The following ADGRL3 variants were observed in gnomAD, a reference collection of about 807,000 sequenced individuals.
The protein encoded by ADGRL3 is adhesion G protein-coupled receptor L3, also known as calcium-independent alpha-latrotoxin receptor 3.
In ADGRL3, 62 loss-of-function variants were observed where a neutral mutation model predicts 153.5. That is an observed-to-expected ratio of 0.40 (90% CI 0.33 to 0.50). The LOEUF is 0.50. Among genes scored for constraint, ADGRL3 ranks in the 20% least tolerant of loss-of-function variants. The pLI is 0.47. For synonymous variants in ADGRL3, 710 were observed against 672.5 expected (o/e 1.06, Z -0.86); for missense variants, 1,641 against 1,859.4 (o/e 0.88, Z 2.16).
At chr4:61,304,738 A>G (rs1216886717) in intron 1 of ADGRL3, among the ~76,000 whole-genome samples, 2 of 152,078 alleles carry the variant, frequency 1.3e-5, no homozygotes, top group Admixed American at 1.3e-4. Flanking sequence ...AAGGGTTTTG[A>G]TTGGTAAAAC....
intron 23 of ADGRL3, among the ~76,000 whole-genome samples, chr4:62,033,750 G>A (rs554582638): frequency 1.6e-4 from 25 of 151,758 alleles, no homozygotes; most frequent in African/African-American, 4.6e-4. Context: ...TTTGCCTGTC[G>A]TCTTTATTTT....
intron 9 of ADGRL3, among the ~76,000 whole-genome samples, chr4:61,880,901 C>T (rs1319573696): frequency 6.6e-6 from 1 of 152,122 alleles, no homozygotes; most frequent in Non-Finnish European, 1.5e-5. Context: ...TAGATAGTCA[C>T]ATTGAAGAGT....
intron 8 of ADGRL3, among the ~76,000 whole-genome samples, chr4:61,747,418 A>C (rs1048349974): frequency 2.0e-5 from 3 of 152,000 alleles, no homozygotes; most frequent in African/African-American, 7.3e-5. Flanking sequence ...AGAGAATTTT[A>C]GACCAATATC....
At chr4:61,888,508 G>T (rs573204437) in intron 9 of ADGRL3, among the ~76,000 whole-genome samples, 4 of 152,116 alleles carry the variant, frequency 2.6e-5, no homozygotes, top group Admixed American at 6.5e-5. Flanking sequence ...TTTCTTGGGC[G>T]CTGGTGACAG....
intron 2 of ADGRL3, among the ~76,000 whole-genome samples, chr4:61,473,703 G>T (rs982130306): frequency 6.6e-6 from 1 of 151,832 alleles, no homozygotes; most frequent in African/African-American, 2.4e-5. Context: ...GTTTTATCTA[G>T]AAAAAAATAT....
intron 6 of ADGRL3, among the ~76,000 whole-genome samples, chr4:61,703,109 A>G (rs572167506): frequency 2.0e-3 from 297 of 152,160 alleles, no homozygotes; most frequent in African/African-American, 6.8e-3. Flanking sequence ...TTATTATACT[A>G]TTTGTGAAGT....
At chr4:61,343,220 A>C (rs888747907) in intron 1 of ADGRL3, among the ~76,000 whole-genome samples, 1 of 152,202 alleles carries the variant, frequency 6.6e-6, no homozygotes, top group Non-Finnish European at 1.5e-5. Flanking sequence ...CCTAAATCTC[A>C]TTATCACCAG....
intron 25 of ADGRL3, among the ~76,000 whole-genome samples, chr4:62,067,157 A>C (rs1250872211): frequency 1.3e-5 from 2 of 152,144 alleles, no homozygotes; most frequent in Non-Finnish European, 2.9e-5. Context: ...CTTTCTGCTG[A>C]GAAGCAAATC....
chr4:61,287,600 G>C (rs2093989666), intron 1 of ADGRL3, among the ~76,000 whole-genome samples: 1 of 151,104 alleles, frequency 6.6e-6, no homozygotes, highest in Non-Finnish European at 1.5e-5. Flanking sequence ...TGACAATCAA[G>C]GGCATAGAAA....
In ADGRL3 at chr4:61,207,133, G is replaced by T. The variant is rs181813987; in HGVS notation, c.-240+5368G>T. ...GTTACACAGGTATACACGTGCCATG[G>T]TGGTTTGCTGCACCCATCAACCCAT... On this transcript the variant is annotated intron_variant, in intron 1 of 26. Coordinates refer to ENST00000683033, the MANE Select transcript of ADGRL3 (RefSeq NM_001387552.1). 5.6e-3 allele frequency among the ~76,000 whole-genome samples: 847 copies of T among 152,038 alleles called. 9 individuals are homozygous for T. Among genetic ancestry groups the T allele is most frequent in the African/African-American group, 0.019 (802 of 41,466 alleles).
At chr4:61,322,989 C>G (rs2095392347) in intron 1 of ADGRL3, among the ~76,000 whole-genome samples, 1 of 152,254 alleles carries the variant, frequency 6.6e-6, no homozygotes, top group Admixed American at 6.5e-5. Context: ...CAAACTTCTG[C>G]CTGGGCATCC....
chr4:61,751,467 G>A (rs575043709), intron 8 of ADGRL3, among the ~76,000 whole-genome samples: 4 of 152,112 alleles, frequency 2.6e-5, no homozygotes, highest in African/African-American at 4.8e-5. Flanking sequence ...AACCCTTTTC[G>A]TAAGTGTAGA....
At chr4:61,802,411 C>T (rs1430903108) in intron 8 of ADGRL3, among the ~76,000 whole-genome samples, 2 of 152,066 alleles carry the variant, frequency 1.3e-5, no homozygotes, top group African/African-American at 2.4e-5. Flanking sequence ...TGTCTCACAC[C>T]ATCACTGTAA....
At chr4:61,580,510 G>T (rs187064872) in intron 4 of ADGRL3, among the ~76,000 whole-genome samples, 149 of 152,138 alleles carry the variant, frequency 9.8e-4, no homozygotes, top group African/African-American at 3.4e-3. Context: ...TTTCAGGCTT[G>T]GTTCTGGGCT....
chr4:62,007,680 A>T (rs1236258536), intron 21 of ADGRL3, among the ~76,000 whole-genome samples: 1 of 151,476 alleles, frequency 6.6e-6, no homozygotes, highest in East Asian at 2.0e-4. Flanking sequence ...CCTCATGCAC[A>T]GGTATGTGGA....
chr4:62,037,939 C>G (rs1218115726), intron 24 of ADGRL3, 83 bp downstream of exon 24: 3 of 1,470,048 alleles, frequency 2.0e-6, no homozygotes, highest in Middle Eastern at 1.8e-4. Context: ...AATTTCTAGC[C>G]TGTGTTTAAC....
Position 61,935,056 on chromosome 4 carries a change from C to A in ADGRL3, c.2296+33C>A, listed in dbSNP as rs770040236. 46 of 1,586,134 alleles carry A rather than the reference C, an allele frequency of 2.9e-5. No individual in the cohort carries two copies. The Admixed American group carries it at 7.5e-4, about 26-fold the overall frequency. ...GCCTTTGTTATTCAGAAGGTCCAGA[C>A]ACTCTTGTATATCAGAAGAGGGAAA... On this transcript the variant is annotated intron_variant, in intron 14 of 26. Coordinates refer to ENST00000683033, the MANE Select transcript of ADGRL3 (RefSeq NM_001387552.1).
chr4:62,039,642 CCAAA>C (rs1488093136), intron 24 of ADGRL3, among the ~76,000 whole-genome samples: 6 of 152,234 alleles, frequency 3.9e-5, no homozygotes, highest in South Asian at 2.1e-4. Context: ...ACTAAATTTG[CCAAA>C]CAGAGATCTG....
At chr4:61,880,948 T>C (rs2149479705) in intron 9 of ADGRL3, among the ~76,000 whole-genome samples, 1 of 152,270 alleles carries the variant, frequency 6.6e-6, no homozygotes, top group African/African-American at 2.4e-5. Flanking sequence ...AAAATTAGAC[T>C]CCTCAAGGAG....
Sources: allele counts gnomAD v4.1 joint callset (sites outside exome capture counted in the v4.1 genomes callset), GRCh38; gene constraint gnomAD v4.1.1; transcripts MANE v1.5; gene names NCBI Gene and HGNC (gene_info 2026-07-23, HGNC 2026-07-21).